PSMB2: variants seen among roughly 807,000 people sequenced by gnomAD.
PSMB2 encodes proteasome 20S subunit beta 2, also known as proteasome subunit beta type-2.
PSMB2 carries 13 observed loss-of-function variants against 25.7 expected under a neutral mutation model. That is an observed-to-expected ratio of 0.51 (90% CI 0.33 to 0.80). The LOEUF (loss-of-function observed/expected upper bound fraction) is 0.80. Among genes scored for constraint, PSMB2 ranks in the 30% least tolerant of loss-of-function variants. The probability of loss-of-function intolerance (pLI) is 0.02; values close to 1 mark genes in which losing one functional copy is unlikely to be tolerated. For missense variants in PSMB2, 202 were observed against 259.0 expected (o/e 0.78, Z 1.51); for synonymous variants, 87 against 96.2 (o/e 0.90, Z 0.56).
intron 3 of PSMB2, among the ~76,000 whole-genome samples, chr1:35,610,353 T>G (rs1650294144): frequency 6.6e-6 from 1 of 151,470 alleles, no homozygotes; most frequent in Non-Finnish European, 1.5e-5. Context: ...GGTGGGAGGA[T>G]CACTTGAACC....
chr1:35,628,081 ATC>A (rs1413584090), intron 3 of PSMB2, among the ~76,000 whole-genome samples: 1 of 152,154 alleles, frequency 6.6e-6, no homozygotes, highest in Non-Finnish European at 1.5e-5. Flanking sequence ...ACAAACTATC[ATC>A]TCTCTTCCCA....
chr1:35,612,506 T>A lies in PSMB2; in HGVS notation c.286-3098A>T, dbSNP rs185024401. Among the ~76,000 whole-genome samples the A allele has an allele frequency of 1.7e-3, 266 of 152,294 alleles. 1 individual carries two copies. Among genetic ancestry groups the A allele is most frequent in the African/African-American group, 5.5e-3 (228 of 41,558 alleles). On this transcript the variant is annotated intron_variant, in intron 3 of 5. Coordinates refer to ENST00000373237, the MANE Select transcript of PSMB2 (RefSeq NM_002794.5). Reference sequence around the variant, plus strand: ...ACCTGCTTAAATTAGCTACAGATTTTAAAAATGCTATTAGTTATATATAAG... The same window carrying A: ...ACCTGCTTAAATTAGCTACAGATTTAAAAAATGCTATTAGTTATATATAAG...
At chr1:35,607,500 G>T (rs1650202840) in intron 4 of PSMB2, among the ~76,000 whole-genome samples, 2 of 152,142 alleles carry the variant, frequency 1.3e-5, no homozygotes, top group Non-Finnish European at 2.9e-5. Flanking sequence ...GTTAGGAATA[G>T]CTATTATCAA....
chr1:35,629,282 A>G (rs1322372632), intron 3 of PSMB2, among the ~76,000 whole-genome samples: 2 of 152,202 alleles, frequency 1.3e-5, no homozygotes, highest in South Asian at 2.1e-4. Context: ...ATCACGTGGT[A>G]AGGCTCTATT....
At chr1:35,618,418 A>G (rs1250579018) in intron 3 of PSMB2, among the ~76,000 whole-genome samples, 1 of 152,134 alleles carries the variant, frequency 6.6e-6, no homozygotes, top group East Asian at 1.9e-4. Flanking sequence ...CATTCATATG[A>G]ACACATACAG....
intron 1 of PSMB2, among the ~76,000 whole-genome samples, chr1:35,637,544 C>G (rs964330163): frequency 7.9e-5 from 12 of 152,196 alleles, no homozygotes; most frequent in Non-Finnish European, 1.3e-4. Flanking sequence ...TTCACTTTCA[C>G]TTTTCATTTT....
chr1:35,630,228 C>T (rs1286640644), intron 3 of PSMB2, among the ~76,000 whole-genome samples: 5 of 152,170 alleles, frequency 3.3e-5, no homozygotes, highest in Non-Finnish European at 5.9e-5. Context: ...GTTCTACTTT[C>T]ACTAACACAT....
intron 2 of PSMB2, among the ~76,000 whole-genome samples, chr1:35,632,906 CA>C (rs1189672571): frequency 1.3e-5 from 2 of 151,286 alleles, no homozygotes; most frequent in African/African-American, 2.4e-5. Flanking sequence ...ACAACAACAA[CA>C]AAAATAATAA....
At chr1:35,608,756 A>C (rs1650245736) in intron 4 of PSMB2, among the ~76,000 whole-genome samples, 2 of 152,342 alleles carry the variant, frequency 1.3e-5, no homozygotes, top group Non-Finnish European at 2.9e-5. Context: ...TCAGATTTGT[A>C]GCCTTAGAAA....
chr1:35,641,253 C>T (rs1411312037), intron 1 of PSMB2, 89 bp downstream of exon 1: 2 of 1,516,418 alleles, frequency 1.3e-6, no homozygotes, highest in African/African-American at 1.4e-5. Flanking sequence ...TCTCTCAGAT[C>T]CTCCCTGGTA....
intron 3 of PSMB2, among the ~76,000 whole-genome samples, chr1:35,611,350 T>C (rs1205206158): frequency 6.6e-6 from 1 of 150,826 alleles, no homozygotes; most frequent in Non-Finnish European, 1.5e-5. Flanking sequence ...GGGGGAGGGG[T>C]TGGGAGGGGA....
intron 2 of PSMB2, among the ~76,000 whole-genome samples, chr1:35,634,803 A>AT (rs1479441504): frequency 2.6e-5 from 4 of 151,098 alleles, no homozygotes; most frequent in Admixed American, 6.6e-5. Flanking sequence ...GTTTAAAAAA[A>AT]TTTTTTTTAG....
chr1:35,628,694 T>C (rs1367638246), intron 3 of PSMB2, among the ~76,000 whole-genome samples: 1 of 140,526 alleles, frequency 7.1e-6, no homozygotes, highest in Non-Finnish European at 1.5e-5. Context: ...ACAATGTATG[T>C]AAATTTGCCT....
intron 2 of PSMB2, among the ~76,000 whole-genome samples, chr1:35,632,474 T>C (rs1651132985): frequency 6.6e-6 from 1 of 152,230 alleles, no homozygotes; most frequent in African/African-American, 2.4e-5. Context: ...TAGGAGAGAT[T>C]CAGATTCAAA....
chr1:35,616,450 G>A (rs938598029), intron 3 of PSMB2, among the ~76,000 whole-genome samples: 2 of 152,166 alleles, frequency 1.3e-5, no homozygotes, highest in Non-Finnish European at 2.9e-5. Flanking sequence ...CAAGTGCAGT[G>A]GCTATCCACA....
chr1:35,634,689 A>G (rs1651195533), intron 2 of PSMB2, among the ~76,000 whole-genome samples: 2 of 151,946 alleles, frequency 1.3e-5, no homozygotes, highest in Non-Finnish European at 2.9e-5. Context: ...AGGTTCAGAT[A>G]CTTTTAAACT....
intron 2 of PSMB2, among the ~76,000 whole-genome samples, chr1:35,635,847 A>G (rs979313323): frequency 9.9e-5 from 15 of 151,594 alleles, no homozygotes; most frequent in Admixed American, 2.6e-4. Flanking sequence ...AAAAAAAAAA[A>G]AAAAAGAAAA....
At position 35,605,273 on chromosome 1, in the gene PSMB2, C is replaced by A. The variant is rs1292487812; in HGVS notation, c.458G>T (p.Arg153Leu). Reference protein sequence around the residue: ...LDRYYTPTISRERAVELLRKC... With the variant: ...LDRYYTPTISLERAVELLRKC... ...CCTAAGGAGTTCCACTGCCCTCTCA[C>A]GTGAGATAGCTGAAAGAGAACACAG... Residue 153 changes from arginine to leucine, a missense_variant, in exon 5 of 6, where the codon CGT becomes CTT. Arg to Leu is a moderately radical substitution (Grantham distance 102). Coordinates refer to ENST00000373237, the MANE Select transcript of PSMB2 (RefSeq NM_002794.5). 2 of 1,613,106 alleles carry A rather than the reference C, an allele frequency of 1.2e-6. No individual in the cohort carries two copies.
At chr1:35,630,836 C>G (rs1651068891) in intron 3 of PSMB2, among the ~76,000 whole-genome samples, 1 of 152,172 alleles carries the variant, frequency 6.6e-6, no homozygotes, top group South Asian at 2.1e-4. Context: ...AAACTATGGA[C>G]CTGGGTGATT....
Sources: allele counts gnomAD v4.1 joint callset (sites outside exome capture counted in the v4.1 genomes callset), GRCh38; gene constraint gnomAD v4.1.1; transcripts MANE v1.5; gene names NCBI Gene and HGNC (gene_info 2026-07-23, HGNC 2026-07-21).